FSTL4: variants seen among roughly 807,000 people sequenced by gnomAD.
The protein encoded by FSTL4 is follistatin-related protein 4.
In FSTL4, 28 loss-of-function variants were observed where a neutral mutation model predicts 78.2. The observed-to-expected ratio is 0.36, with a 90% CI of 0.27 to 0.49. The LOEUF (loss-of-function observed/expected upper bound fraction) is 0.49, where lower values mean the gene tolerates loss of function less well. Ranked by LOEUF, FSTL4 falls within the 20% of genes least tolerant of loss-of-function variation. FSTL4 has a pLI of 0.98. For synonymous variants in FSTL4, 422 were observed against 440.5 expected, an observed-to-expected ratio of 0.96 and a Z score of 0.53; for missense variants, 922 against 1,084.9, an observed-to-expected ratio of 0.85 and a Z score of 2.11.
intron 3 of FSTL4, among the ~76,000 whole-genome samples, chr5:133,555,609 A>G (rs1251255254): frequency 6.6e-6 from 1 of 152,228 alleles, no homozygotes. Flanking sequence ...TAAATTCCGT[A>G]TAAAGGGGAA....
At chr5:133,498,718 C>CAAAAAAAAAAAAAAAA (rs112128780) in intron 3 of FSTL4, among the ~76,000 whole-genome samples, 41 of 127,006 alleles carry the variant, frequency 3.2e-4, no homozygotes, top group African/African-American at 1.2e-3. Flanking sequence ...ACTCAGTCTC[C>CAAAAAAAAAAAAAAAA]AAAAAAAAAA....
chr5:133,651,915 C>T, the FSTL4 span, among the ~76,000 whole-genome samples: 1 of 152,030 alleles, frequency 6.6e-6, no homozygotes, highest in Non-Finnish European at 1.5e-5. Context: ...CTGGGCCTAG[C>T]GTTTTCTGTT....
the FSTL4 span, among the ~76,000 whole-genome samples, chr5:133,736,593 G>T: frequency 6.6e-6 from 1 of 152,154 alleles, no homozygotes; most frequent in Non-Finnish European, 1.5e-5. Context: ...CAAGGAGCAG[G>T]TGGCAGCCTC....
the FSTL4 span, among the ~76,000 whole-genome samples, chr5:133,628,425 T>A: frequency 2.2e-4 from 33 of 151,542 alleles, no homozygotes; most frequent in African/African-American, 8.0e-4. Flanking sequence ...AATGGCATAA[T>A]CTCAGCTCAC....
chr5:133,804,287 G>C, the FSTL4 span, among the ~76,000 whole-genome samples: 1 of 152,170 alleles, frequency 6.6e-6, no homozygotes, highest in Non-Finnish European at 1.5e-5. Context: ...TTGGAGAAAA[G>C]CCTTGCCTGG....
intron 12 of FSTL4, among the ~76,000 whole-genome samples, 176 bp from the exon 13 acceptor site, chr5:133,217,554 C>A (rs532452031): frequency 6.6e-6 from 1 of 152,204 alleles, no homozygotes; most frequent in Non-Finnish European, 1.5e-5. Flanking sequence ...ACTTAACATT[C>A]CTTTAATCTT....
At chr5:133,355,963 A>G (rs1163448636) in intron 4 of FSTL4, among the ~76,000 whole-genome samples, 1 of 152,092 alleles carries the variant, frequency 6.6e-6, no homozygotes, top group Non-Finnish European at 1.5e-5. Flanking sequence ...AAATCCTCGC[A>G]TGGCTAGTGT....
chr5:133,370,802 GAGA>G (rs1755279934), intron 4 of FSTL4, among the ~76,000 whole-genome samples: 1 of 152,154 alleles, frequency 6.6e-6, no homozygotes, highest in South Asian at 2.1e-4. Flanking sequence ...TTTCAGGAAT[GAGA>G]AGAAGGAAAG....
intron 6 of FSTL4, among the ~76,000 whole-genome samples, chr5:133,307,164 G>A (rs189769185): frequency 6.6e-6 from 1 of 152,262 alleles, no homozygotes; most frequent in Admixed American, 6.5e-5. Context: ...GTCTAGCTTG[G>A]ACTCTGGAGT....
At chr5:133,684,884 GT>G in the FSTL4 span, among the ~76,000 whole-genome samples, 5 of 152,300 alleles carry the variant, frequency 3.3e-5, no homozygotes, top group African/African-American at 1.2e-4. Flanking sequence ...ATTATTCATT[GT>G]TTTATTAGGC....
chr5:133,783,315 G>T, the FSTL4 span, among the ~76,000 whole-genome samples: 3 of 152,144 alleles, frequency 2.0e-5, no homozygotes, highest in African/African-American at 4.8e-5. Context: ...AAGCCAGAAG[G>T]GCTGCTTTAA....
intron 4 of FSTL4, among the ~76,000 whole-genome samples, chr5:133,333,588 G>A (rs1327084611): frequency 1.3e-5 from 2 of 152,216 alleles, no homozygotes; most frequent in East Asian, 3.9e-4. Context: ...CCAGACGTCT[G>A]GGCTGGTCAT....
the FSTL4 span, among the ~76,000 whole-genome samples, chr5:133,658,176 C>T: frequency 6.6e-6 from 1 of 152,098 alleles, no homozygotes; most frequent in African/African-American, 2.4e-5. Flanking sequence ...ATTTGATTAG[C>T]TAATACCATA....
the FSTL4 span, among the ~76,000 whole-genome samples, chr5:133,687,584 C>G: frequency 0.012 from 1,810 of 152,276 alleles, 30 homozygotes; most frequent in African/African-American, 0.042. Flanking sequence ...GGAAAGCCTT[C>G]CATTCTTCCT....
intron 2 of FSTL4, among the ~76,000 whole-genome samples, chr5:133,577,191 C>T (rs987924158): frequency 3.9e-5 from 6 of 152,150 alleles, no homozygotes; most frequent in Admixed American, 6.5e-5. Flanking sequence ...ACCCTAAACC[C>T]GGGGCTAGTT....
At chr5:133,680,597 A>G in the FSTL4 span, among the ~76,000 whole-genome samples, 1 of 152,162 alleles carries the variant, frequency 6.6e-6, no homozygotes. Flanking sequence ...GCCCATGTTC[A>G]TTATTGCAGA....
chr5:133,610,939 G>A (rs1366950908), intron 1 of FSTL4, among the ~76,000 whole-genome samples: 1 of 151,902 alleles, frequency 6.6e-6, no homozygotes, highest in Non-Finnish European at 1.5e-5. Context: ...TTGAAATTCT[G>A]TTTACGTTTG....
At chr5:133,292,128 G>A (rs745522043) in intron 6 of FSTL4, among the ~76,000 whole-genome samples, 11 of 152,124 alleles carry the variant, frequency 7.2e-5, no homozygotes, top group Non-Finnish European at 1.0e-4. Flanking sequence ...CCTTGGGGTC[G>A]TGCTGCCCTG....
chr5:133,226,076 C>G (rs770707612), intron 8 of FSTL4, among the ~76,000 whole-genome samples: 4 of 152,210 alleles, frequency 2.6e-5, no homozygotes, highest in Non-Finnish European at 5.9e-5. Flanking sequence ...TAAATACGAT[C>G]AGAAGGCCAT....
Sources: allele counts gnomAD v4.1 joint callset (sites outside exome capture counted in the v4.1 genomes callset), GRCh38; gene constraint gnomAD v4.1.1; transcripts MANE v1.5; gene names NCBI Gene and HGNC (gene_info 2026-07-23, HGNC 2026-07-21).